The following DENND6A variants were observed in gnomAD, a reference collection of about 807,000 sequenced individuals.
DENND6A encodes DENN domain containing 6A, also known as protein DENND6A.
Under a neutral mutation model 95.5 loss-of-function variants are expected in DENND6A, and 43 were observed. The ratio of observed to expected loss-of-function variants is 0.45; its 90% CI spans 0.35 to 0.58. The LOEUF (loss-of-function observed/expected upper bound fraction) is 0.58. Ranked by LOEUF, DENND6A falls within the 20% of genes least tolerant of loss-of-function variation. The probability of loss-of-function intolerance (pLI) is 0.00; values close to 1 mark genes in which losing one functional copy is unlikely to be tolerated. For missense variants in DENND6A, 574 were observed against 736.0 expected, an observed-to-expected ratio of 0.78 and a Z score of 2.55; for synonymous variants, 257 against 260.4, an observed-to-expected ratio of 0.99 and a Z score of 0.13.
chr3:57,659,271 T>C, intron 7 of DENND6A, 91 bp from the exon 8 acceptor site: 5 of 1,395,394 alleles, frequency 3.6e-6, no homozygotes, highest in Non-Finnish European at 5.0e-6. Context: ...TGGTCAGTAA[T>C]GCCAAAAAAG....
intron 3 of DENND6A, among the ~76,000 whole-genome samples, chr3:57,666,764 T>C (rs1342070463): frequency 2.0e-5 from 3 of 152,182 alleles, no homozygotes; most frequent in African/African-American, 7.2e-5. Context: ...AATCAAGGAG[T>C]ACTATTAGAT....
At chr3:57,681,621 TA>T (rs35245886) in intron 1 of DENND6A, among the ~76,000 whole-genome samples, 3,517 of 119,596 alleles carry the variant, frequency 0.029, 52 homozygotes, top group Middle Eastern at 0.041. Flanking sequence ...AAGACCCTGT[TA>T]AAAAAAAAAA....
At chr3:57,678,725 G>A (rs1471093931) in intron 1 of DENND6A, among the ~76,000 whole-genome samples, 1 of 152,240 alleles carries the variant, frequency 6.6e-6, no homozygotes, top group East Asian at 1.9e-4. Flanking sequence ...AAGCCAGGAA[G>A]AGGACCCTCA....
rs929540044 is a variant in DENND6A, at chr3:57,674,207, C to A, written c.238-1769G>T. Among the ~76,000 whole-genome samples the A allele has an allele frequency of 6.6e-5, 10 of 152,020 alleles. No homozygotes were observed. The South Asian group carries it at 2.1e-3, about 32-fold the overall frequency. On this transcript the variant is annotated intron_variant, in intron 1 of 19. Coordinates refer to ENST00000311128, the MANE Select transcript of DENND6A (RefSeq NM_152678.3). ...ACCATACGGTGAAACCCCGTCTCTA[C>A]TAAAAATACAAAAAAATTAGCTGGG...
chr3:57,634,630 C>T lies in DENND6A; in HGVS notation c.1199-8G>A. 6.7e-7 allele frequency: 1 copy of T among 1,484,418 alleles called. No individual in the cohort carries two copies. 92.0% of individuals were successfully genotyped at this position (1,484,418 alleles called of 1,614,324 possible). On this transcript the variant is annotated splice_region_variant and splice_polypyrimidine_tract_variant and intron_variant, in intron 13 of 19. Transcript: ENST00000311128. Reference sequence around the variant, plus strand: ...TATATGAAGTATAAACTCCTAAGAGCAAAGAAAAGAAGGTAAACAAAAAAA... The same window carrying T: ...TATATGAAGTATAAACTCCTAAGAGTAAAGAAAAGAAGGTAAACAAAAAAA...
intron 11 of DENND6A, among the ~76,000 whole-genome samples, chr3:57,643,707 A>C (rs906265082): frequency 6.6e-6 from 1 of 151,694 alleles, no homozygotes; most frequent in African/African-American, 2.4e-5. Flanking sequence ...CATGCCTGTA[A>C]TCCCAGCTAC....
intron 1 of DENND6A, among the ~76,000 whole-genome samples, chr3:57,688,791 T>TA (rs1263483093): frequency 6.6e-6 from 1 of 152,166 alleles, no homozygotes; most frequent in Non-Finnish European, 1.5e-5. Flanking sequence ...CTGGAATCCT[T>TA]ACAATCACTG....
intron 9 of DENND6A, among the ~76,000 whole-genome samples, chr3:57,652,421 G>A (rs1227108286): frequency 6.6e-6 from 1 of 152,064 alleles, no homozygotes; most frequent in African/African-American, 2.4e-5. Context: ...AGACTCCTAT[G>A]TCCAACTGAC....
At chr3:57,676,084 A>G (rs1049414085) in intron 1 of DENND6A, among the ~76,000 whole-genome samples, 4 of 152,132 alleles carry the variant, frequency 2.6e-5, no homozygotes, top group African/African-American at 9.7e-5. Flanking sequence ...CTCAAAAAAA[A>G]AAGTCCTTCT....
intron 1 of DENND6A, 121 bp from the exon 2 acceptor site, chr3:57,672,559 G>T: frequency 2.0e-6 from 2 of 980,626 alleles, no homozygotes; most frequent in Non-Finnish European, 3.0e-6. Context: ...AAGGCAGGCG[G>T]ATCACTTGAG....
chr3:57,690,986 C>T (rs558312203), intron 1 of DENND6A, among the ~76,000 whole-genome samples: 75 of 152,320 alleles, frequency 4.9e-4, no homozygotes, highest in Admixed American at 1.2e-3. Context: ...AAACTCTATA[C>T]AGTGGCATAC....
rs1430883141 is a variant in DENND6A at position 57,692,630 on chromosome 3, C to CCGCA, written c.237+148_237+151dup. 3 of 674,980 alleles carry CCGCA rather than the reference C, an allele frequency of 4.4e-6. No individual in the cohort carries two copies. The East Asian group carries it at 1.0e-4, about 23-fold the overall frequency. 41.8% of individuals were successfully genotyped at this position (674,980 alleles called of 1,614,324 possible). On this transcript the variant is annotated intron_variant, in intron 1 of 19. Transcript: ENST00000311128. ...TCCTCCCACGGGAAGTGCCGTAGGA[C>CCGCA]CGCAGCCCGAAAGAGCGCGGGAGGG...
intron 14 of DENND6A, among the ~76,000 whole-genome samples, chr3:57,634,289 C>T (rs565286800): frequency 5.9e-5 from 9 of 152,058 alleles, no homozygotes; most frequent in Non-Finnish European, 1.3e-4. Flanking sequence ...AGAAATTAGC[C>T]AGGCATGATG....
intron 1 of DENND6A, among the ~76,000 whole-genome samples, chr3:57,688,251 C>G (rs2077229254): frequency 6.6e-6 from 1 of 152,100 alleles, no homozygotes; most frequent in African/African-American, 2.4e-5. Flanking sequence ...GCGCCTCAGC[C>G]TCCCAAAGTG....
intron 19 of DENND6A, 26 bp from the exon 20 acceptor site, chr3:57,628,371 T>A (rs1453195931): frequency 6.2e-7 from 1 of 1,607,892 alleles, no homozygotes; most frequent in East Asian, 2.2e-5. Context: ...TTCATAACAT[T>A]TAAATTATCC....
chr3:57,688,867 A>G (rs1000561139), intron 1 of DENND6A, among the ~76,000 whole-genome samples: 2 of 152,240 alleles, frequency 1.3e-5, no homozygotes, highest in African/African-American at 4.8e-5. Context: ...GACAGATACA[A>G]AATTATATAA....
rs151179094 is a variant in DENND6A, at chr3:57,674,976, T to G, written c.238-2538A>C. Among the ~76,000 whole-genome samples the G allele has an allele frequency of 2.0e-5, 3 of 152,198 alleles. No individual in the cohort carries two copies. In the East Asian group the frequency reaches 5.8e-4, roughly 29 times the overall value. On this transcript the variant is annotated intron_variant, in intron 1 of 19. Coordinates refer to ENST00000311128, the MANE Select transcript of DENND6A (RefSeq NM_152678.3). ...ACAACAGACACTGGGGTCTACTTGA[T>G]GGTGGAGGGTGGGAGGAGGGAGAGG... is the stretch of plus-strand genomic sequence containing the variant.
At chr3:57,631,973 C>T (rs529545985) in intron 15 of DENND6A, among the ~76,000 whole-genome samples, 6 of 146,222 alleles carry the variant, frequency 4.1e-5, no homozygotes, top group South Asian at 2.2e-4. Flanking sequence ...CCGCCCGCCT[C>T]GGCCTCCCAA....
chr3:57,679,393 C>T (rs2077139796), intron 1 of DENND6A: 1 of 613,122 alleles, frequency 1.6e-6, no homozygotes, highest in African/African-American at 2.0e-5. Context: ...TTCCACCATC[C>T]TAAGCCAAAT....
Sources: allele counts gnomAD v4.1 joint callset (sites outside exome capture counted in the v4.1 genomes callset), GRCh38; gene constraint gnomAD v4.1.1; transcripts MANE v1.5; gene names NCBI Gene and HGNC (gene_info 2026-07-23, HGNC 2026-07-21).